MLLT10: variants seen among roughly 807,000 people sequenced by gnomAD.
MLLT10 encodes the protein protein AF-10.
Under a neutral mutation model 129.1 loss-of-function variants are expected in MLLT10, and 30 were observed. The ratio of observed to expected loss-of-function variants is 0.23; its 90% CI spans 0.17 to 0.32. MLLT10 has a LOEUF of 0.32. MLLT10 is among the 10% of genes least tolerant of loss of function. The pLI, the probability that MLLT10 is intolerant of heterozygous loss-of-function variation, is 1.00. For missense variants in MLLT10, 1,119 were observed against 1,268.3 expected (o/e 0.88, Z 1.79); for synonymous variants, 490 against 446.4 (o/e 1.10, Z -1.23).
At chr10:21,579,063 T>A (rs962218403) in intron 3 of MLLT10, among the ~76,000 whole-genome samples, 2 of 152,256 alleles carry the variant, frequency 1.3e-5, no homozygotes, top group African/African-American at 4.8e-5. Context: ...TAAATTGTGT[T>A]TTCTTTCTTT....
At chr10:21,575,285 G>A (rs916537251) in intron 3 of MLLT10, among the ~76,000 whole-genome samples, 4 of 151,924 alleles carry the variant, frequency 2.6e-5, no homozygotes, top group Admixed American at 6.6e-5. Flanking sequence ...TCTGCATCCC[G>A]GGTTCAAGCG....
At chr10:21,535,934 A>T (rs940626300) in intron 2 of MLLT10, among the ~76,000 whole-genome samples, 1 of 151,982 alleles carries the variant, frequency 6.6e-6, no homozygotes, top group Non-Finnish European at 1.5e-5. Flanking sequence ...CCAGACTTTT[A>T]TTTTTTTACT....
chr10:21,575,892 G>A (rs2040680764), intron 3 of MLLT10, among the ~76,000 whole-genome samples: 2 of 151,892 alleles, frequency 1.3e-5, no homozygotes, highest in South Asian at 4.2e-4. Context: ...TCTTTACTAT[G>A]TAGCCACTCA....
intron 3 of MLLT10, among the ~76,000 whole-genome samples, chr10:21,574,997 C>G (rs144035301): frequency 1.3e-5 from 2 of 152,166 alleles, no homozygotes; most frequent in African/African-American, 4.8e-5. Context: ...ATTTCCCCAG[C>G]CCCTGTTCAA....
intron 3 of MLLT10, among the ~76,000 whole-genome samples, chr10:21,575,879 C>T (rs2040678641): frequency 6.6e-6 from 1 of 152,094 alleles, no homozygotes; most frequent in Admixed American, 6.6e-5. Flanking sequence ...ATGCCCCTCC[C>T]TCTCTTTACT....
intron 8 of MLLT10, among the ~76,000 whole-genome samples, chr10:21,629,881 G>A (rs2046841144): frequency 6.6e-6 from 1 of 152,196 alleles, no homozygotes; most frequent in African/African-American, 2.4e-5. Flanking sequence ...AGTATCTCTT[G>A]AGATCAGGAG....
At chr10:21,636,660 T>C (rs1415885756) in intron 8 of MLLT10, among the ~76,000 whole-genome samples, 1 of 151,992 alleles carries the variant, frequency 6.6e-6, no homozygotes, top group Non-Finnish European at 1.5e-5. Context: ...CTGCAACCTC[T>C]GCCTCCAGGG....
intron 17 of MLLT10, 150 bp downstream of exon 17, chr10:21,731,204 G>A: frequency 1.3e-6 from 1 of 746,866 alleles, no homozygotes; most frequent in Non-Finnish European, 2.1e-6. Context: ...ATAAGGTGAA[G>A]TGGTTTAATA....
chr10:21,712,296 C>G (rs537080725), intron 13 of MLLT10, among the ~76,000 whole-genome samples: 1 of 152,022 alleles, frequency 6.6e-6, no homozygotes, highest in East Asian at 1.9e-4. Context: ...TCACTACAAC[C>G]TTGAACTTCC....
chr10:21,551,768 T>A lies in MLLT10; in HGVS notation c.240+12856T>A, dbSNP rs76428544. The stretch of plus-strand genomic sequence containing the variant: ...TTGTGTTTAGACTTTTTTTTTTTTT[T>A]AAATTAAGTCTAATAGTTTCTGTCT... On this transcript the variant is annotated intron_variant, in intron 3 of 22. Coordinates refer to ENST00000307729, the MANE Select transcript of MLLT10 (RefSeq NM_001195626.3). 414 of 395,896 alleles carry A rather than the reference T, an allele frequency of 1.0e-3. 4 individuals carry two copies. The highest frequency in any genetic ancestry group is 5.2e-3 in the South Asian group (284 of 54,588). 24.5% of individuals were successfully genotyped at this position (395,896 alleles called of 1,614,324 possible). A position where few individuals can be genotyped will look rare whatever the true frequency, so the allele number is the denominator to read the frequency against.
At chr10:21,598,430 C>G (rs2043210691) in intron 5 of MLLT10, among the ~76,000 whole-genome samples, 2 of 152,174 alleles carry the variant, frequency 1.3e-5, no homozygotes, top group South Asian at 4.1e-4. Context: ...ACCTTGATTT[C>G]TTTTTGGTGA....
chr10:21,688,378 C>T, intron 13 of MLLT10: 1 of 800,072 alleles, frequency 1.2e-6, no homozygotes, highest in East Asian at 2.5e-5. Flanking sequence ...CCTGATGATC[C>T]ACCCCCACAC....
chr10:21,670,808 T>G, intron 10 of MLLT10, 104 bp downstream of exon 10: 1 of 1,254,004 alleles, frequency 8.0e-7, no homozygotes, highest in Non-Finnish European at 1.1e-6. Flanking sequence ...CTAATGGATG[T>G]TCTAGATTAT....
chr10:21,568,579 A>G (rs893932830), intron 3 of MLLT10, among the ~76,000 whole-genome samples: 2 of 152,184 alleles, frequency 1.3e-5, no homozygotes, highest in African/African-American at 2.4e-5. Flanking sequence ...AACTGTCTTA[A>G]AAATACTTGA....
chr10:21,584,090 G>A (rs1425966416), intron 3 of MLLT10, among the ~76,000 whole-genome samples: 4 of 150,568 alleles, frequency 2.7e-5, no homozygotes, highest in South Asian at 2.1e-4. Context: ...AGATGGTCTC[G>A]ATCTCCTGAC....
chr10:21,584,465 T>C (rs1198436627), intron 3 of MLLT10, among the ~76,000 whole-genome samples: 1 of 152,026 alleles, frequency 6.6e-6, no homozygotes, highest in Non-Finnish European at 1.5e-5. Flanking sequence ...GCCCAGCCAA[T>C]AGGCTCTATT....
intron 10 of MLLT10, 131 bp from the exon 11 acceptor site, chr10:21,673,219 G>A (rs2051665079): frequency 1.9e-6 from 1 of 529,572 alleles, no homozygotes; most frequent in Non-Finnish European, 3.2e-6. Context: ...CCTAAGTGTT[G>A]TAGTTAATTT....
At chr10:21,572,072 A>C (rs577135655) in intron 3 of MLLT10, 1 of 152,124 alleles carries the variant, frequency 6.6e-6, no homozygotes, top group Non-Finnish European at 1.5e-5. Flanking sequence ...TTGCTAATTT[A>C]TATTTAGGTC....
In MLLT10 at chr10:21,743,257, T is replaced by C. The variant is rs567383596; in HGVS notation, c.*1274T>C. 24 of 227,908 alleles carry C rather than the reference T, an allele frequency of 1.1e-4. No homozygotes were observed. The highest frequency in any genetic ancestry group is 5.5e-4 in the South Asian group (3 of 5,488). 14.1% of individuals were successfully genotyped at this position (227,908 alleles called of 1,614,324 possible). ...AAGAACATGTTAATTCTGCAATATGTTTCTTGGTTAAACATTGCACAGTTC... is the reference window on the plus strand; with the variant it reads ...AAGAACATGTTAATTCTGCAATATGCTTCTTGGTTAAACATTGCACAGTTC... On this transcript the variant is annotated 3_prime_UTR_variant, in exon 23 of 23. Transcript: ENST00000307729.
Sources: gnomAD v4.1 joint callset for allele counts (sites outside exome capture counted in the v4.1 genomes callset) on GRCh38, gnomAD v4.1.1 for gene constraint, MANE v1.5 for transcripts, NCBI Gene and HGNC (gene_info 2026-07-23, HGNC 2026-07-21) for gene names.